Variants in KIF13B observed in about 807,000 individuals in gnomAD.
KIF13B encodes the protein kinesin family member 13B.
KIF13B carries 127 observed loss-of-function variants against 222.0 expected under a neutral mutation model. The observed-to-expected ratio is 0.57, with a 90% CI of 0.50 to 0.66. KIF13B has a LOEUF of 0.66. Ranked by LOEUF, KIF13B falls within the 30% of genes least tolerant of loss-of-function variation. The pLI is 0.00. For missense variants in KIF13B, 2,173 were observed against 2,379.0 expected (o/e 0.91, Z 1.80); for synonymous variants, 976 against 919.0 (o/e 1.06, Z -1.12).
Position 29,071,783 on chromosome 8 carries a change from C to T in KIF13B, c.5055G>A (p.Gln1685=), listed in dbSNP as rs1463402154. ...CTTCCTCGGAATCAGAGGCCAGGGC[C>T]TGTCCCCCGGCGCCCGGGGCCGGCG... ...GNAPAPGAGG[Q]ALASDSEEAD... The change falls in exon 39 of 40, where the codon CAG becomes CAA. Residue 1685 remains glutamine (Q), a synonymous_variant. Transcript: ENST00000524189. The surrounding 1 kb of genome is among the most constrained non-coding windows in gnomAD (Gnocchi z 4.9). The T allele has an allele frequency of 6.5e-7, 1 of 1,548,188 alleles. No individual in the cohort carries two copies. Among genetic ancestry groups the T allele is most frequent in the East Asian group, 2.4e-5 (1 of 40,902 alleles).
At chr8:29,080,487 T>C (rs1807759719) in intron 37 of KIF13B, among the ~76,000 whole-genome samples, 1 of 152,216 alleles carries the variant, frequency 6.6e-6, no homozygotes, top group Admixed American at 6.5e-5. Flanking sequence ...AGCCCTGGCC[T>C]GAAGCCTGTG....
At chr8:29,227,444 C>A (rs563289139) in intron 2 of KIF13B, among the ~76,000 whole-genome samples, 2 of 152,084 alleles carry the variant, frequency 1.3e-5, no homozygotes, top group African/African-American at 4.8e-5. Flanking sequence ...TGCCCACCAC[C>A]ACACCCGGCT....
chr8:29,122,550 A>G, intron 29 of KIF13B, 41 bp downstream of exon 29: 1 of 1,547,874 alleles, frequency 6.5e-7, no homozygotes, highest in South Asian at 1.2e-5. Context: ...TAGGCACTAA[A>G]TTTTCAGAGG....
At chr8:29,163,633 C>G (rs377099866) in intron 12 of KIF13B, among the ~76,000 whole-genome samples, 1 of 152,134 alleles carries the variant, frequency 6.6e-6, no homozygotes, top group South Asian at 2.1e-4. Context: ...AGTAAGTGAT[C>G]AAGAGACCAG....
At chr8:29,250,697 T>C (rs1438382149) in intron 1 of KIF13B, among the ~76,000 whole-genome samples, 1 of 152,212 alleles carries the variant, frequency 6.6e-6, no homozygotes. Flanking sequence ...TTCAAAGGAC[T>C]GTTGAGAATA....
At chr8:29,101,099 C>T (rs1240791428) in intron 35 of KIF13B, among the ~76,000 whole-genome samples, 1 of 152,166 alleles carries the variant, frequency 6.6e-6, no homozygotes, top group African/African-American at 2.4e-5. Flanking sequence ...CGGAGGAGCG[C>T]TGGCATCCCC....
intron 23 of KIF13B, among the ~76,000 whole-genome samples, chr8:29,131,337 T>TA (rs144827387): frequency 1.1e-3 from 147 of 139,062 alleles, no homozygotes; most frequent in East Asian, 3.7e-3. Context: ...TTGAAACTAT[T>TA]AAAAAAAAAA....
rs545375401 is a variant in KIF13B, at chr8:29,245,443, T to C, written c.56-4A>G. On this transcript the variant is annotated splice_polypyrimidine_tract_variant and splice_region_variant and intron_variant, in intron 1 of 39. Transcript: ENST00000524189. ...CATTTGGTATGCAAGTCAGTCTCTG[T>C]GGATAAAAAAACAAGAAAAACAGTC... 6.4e-7 allele frequency: 1 copy of C among 1,565,252 alleles called. No homozygotes were observed. Among genetic ancestry groups the C allele is most frequent in the Non-Finnish European group, 8.7e-7 (1 of 1,155,422 alleles).
At chr8:29,115,180 G>A (rs1005703181) in intron 31 of KIF13B, among the ~76,000 whole-genome samples, 25 of 152,050 alleles carry the variant, frequency 1.6e-4, no homozygotes, top group Non-Finnish European at 1.6e-4. Context: ...CCATGACTGT[G>A]CTCTTTTAAA....
chr8:29,175,350 A>G (rs916516612), intron 10 of KIF13B, among the ~76,000 whole-genome samples: 1 of 152,194 alleles, frequency 6.6e-6, no homozygotes, highest in Admixed American at 6.5e-5. Flanking sequence ...TCATGGATCT[A>G]TCACAAACTC....
chr8:29,179,801 T>C (rs1241480686), intron 8 of KIF13B, among the ~76,000 whole-genome samples: 1 of 152,190 alleles, frequency 6.6e-6, no homozygotes, highest in Non-Finnish European at 1.5e-5. Context: ...CACAGAGTTC[T>C]AGAGGTGTCC....
At chr8:29,090,556 G>A (rs904001267) in intron 37 of KIF13B, among the ~76,000 whole-genome samples, 2 of 152,100 alleles carry the variant, frequency 1.3e-5, no homozygotes, top group Non-Finnish European at 2.9e-5. Flanking sequence ...AGGACAAGGC[G>A]GTGTGGGCAA....
At position 29,123,439 on chromosome 8, in the gene KIF13B, T is replaced by C; in HGVS notation, c.3406A>G (p.Thr1136Ala). 1 of 1,614,072 alleles carries C rather than the reference T, an allele frequency of 6.2e-7. No individual in the cohort carries two copies. The highest frequency in any genetic ancestry group is 1.1e-5 in the South Asian group (1 of 91,086). The change falls in exon 28 of 40, where the codon ACC becomes GCC. Residue 1136 changes from threonine (T) to alanine (A), a missense_variant. Physicochemically the swap from Thr to Ala is moderately conservative, Grantham distance 58. Transcript: ENST00000524189. ...ACCGCGTTCCTCTCCTCAGTTAGGG[T>C]CAACCGCATCTCCAGAAGCTGCGCT... ...REAQLLEMRL[T>A]LTEERNAVMV... is the part of the protein sequence containing the mutation.
At chr8:29,125,456 G>A (rs1810066484) in intron 26 of KIF13B, among the ~76,000 whole-genome samples, 1 of 152,150 alleles carries the variant, frequency 6.6e-6, no homozygotes, top group Non-Finnish European at 1.5e-5. Context: ...AAATCACAGA[G>A]GACTCAAATA....
intron 13 of KIF13B, 67 bp from the exon 14 acceptor site, chr8:29,155,923 A>T: frequency 1.6e-6 from 2 of 1,281,168 alleles, no homozygotes; most frequent in East Asian, 5.1e-5. Context: ...AATCATTTAC[A>T]CTGAGCCCTC....
chr8:29,103,072 C>T (rs917906624), intron 35 of KIF13B, among the ~76,000 whole-genome samples: 1 of 151,946 alleles, frequency 6.6e-6, no homozygotes, highest in African/African-American at 2.4e-5. Flanking sequence ...GAAACCCCGT[C>T]TCTACTAAAA....
chr8:29,161,204 G>A (rs143216073), intron 12 of KIF13B, among the ~76,000 whole-genome samples: 93 of 151,964 alleles, frequency 6.1e-4, no homozygotes, highest in Non-Finnish European at 1.1e-3. Flanking sequence ...TTCCTCAACC[G>A]GGATCCTTCT....
intron 37 of KIF13B, among the ~76,000 whole-genome samples, chr8:29,077,815 C>G (rs1002089465): frequency 6.6e-6 from 1 of 152,144 alleles, no homozygotes; most frequent in African/African-American, 2.4e-5. Context: ...AAGTTCAGCT[C>G]AACAGAGACT....
At chr8:29,196,308 T>A (rs1050249631) in intron 2 of KIF13B, 109 bp from the exon 3 acceptor site, 2 of 874,720 alleles carry the variant, frequency 2.3e-6, no homozygotes, top group Admixed American at 2.7e-5. Context: ...AAACATTATG[T>A]AAATTCACAG....
Sources: allele counts gnomAD v4.1 joint callset (sites outside exome capture counted in the v4.1 genomes callset), GRCh38; gene constraint gnomAD v4.1.1; non-coding constraint Gnocchi (gnomAD v3.1); transcripts MANE v1.5; gene names NCBI Gene and HGNC (gene_info 2026-07-23, HGNC 2026-07-21).